GPR107: variants seen among roughly 807,000 people sequenced by gnomAD.
GPR107 encodes G protein-coupled receptor 107.
In GPR107, 31 loss-of-function variants were observed where a neutral mutation model predicts 75.5. The observed-to-expected ratio is 0.41, with a 90% confidence interval of 0.31 to 0.55. GPR107 has a LOEUF of 0.55. GPR107 is among the 20% of genes least tolerant of loss of function. The probability of loss-of-function intolerance (pLI) is 0.26; values close to 1 mark genes in which losing one functional copy is unlikely to be tolerated. For missense variants in GPR107, 572 were observed against 665.7 expected, an observed-to-expected ratio of 0.86 and a Z score of 1.55; for synonymous variants, 267 against 251.3, an observed-to-expected ratio of 1.06 and a Z score of -0.59.
intron 7 of GPR107, among the ~76,000 whole-genome samples, chr9:130,090,461 C>T (rs1830706100): frequency 7.6e-6 from 1 of 132,290 alleles, no homozygotes; most frequent in Admixed American, 8.4e-5. Context: ...TAGATAACCA[C>T]ATCTTAGGTT....
At chr9:130,090,441 G>C (rs1830705776) in intron 7 of GPR107, among the ~76,000 whole-genome samples, 1 of 151,774 alleles carries the variant, frequency 6.6e-6, no homozygotes, top group African/African-American at 2.4e-5. Context: ...TAATACGTTA[G>C]CTTGAAGACT....
At chr9:130,066,224 G>A (rs1473613667) in intron 1 of GPR107, among the ~76,000 whole-genome samples, 2 of 151,880 alleles carry the variant, frequency 1.3e-5, no homozygotes, top group African/African-American at 2.4e-5. Context: ...GCTTGAACCC[G>A]GGAGGCAGAG....
At chr9:130,101,838 G>A (rs188590646) in intron 12 of GPR107, among the ~76,000 whole-genome samples, 81 of 152,298 alleles carry the variant, frequency 5.3e-4, no homozygotes, top group Middle Eastern at 3.4e-3. Flanking sequence ...ACCAGACAGC[G>A]TCTGTTTGAC....
intron 8 of GPR107, 91 bp from the exon 9 acceptor site, chr9:130,092,157 T>C: frequency 8.8e-7 from 1 of 1,141,338 alleles, no homozygotes; most frequent in Non-Finnish European, 1.3e-6. Flanking sequence ...CTTACTTTCT[T>C]AAGCTTAAGT....
intron 14 of GPR107, among the ~76,000 whole-genome samples, chr9:130,111,232 G>A (rs145029375): frequency 0.022 from 3,334 of 152,152 alleles, 55 homozygotes; most frequent in Middle Eastern, 0.034. Context: ...TTGGGAGGCC[G>A]AGGCAGGAGG....
chr9:130,077,299 G>A lies in GPR107; in HGVS notation c.307G>A (p.Asp103Asn). ...GTACAATTGGCTCTTCCTTTCTCAG[G>A]ATGAAGATGTGAATTACTGTATTTT... ...TKNDGFSSYL[D>N]EDVNYCILKK... Residue 103 changes from aspartate to asparagine, a missense_variant and splice_region_variant, in exon 4 of 18, where the codon GAT (aspartate) becomes AAT (asparagine). Coordinates refer to ENST00000347136, the MANE Select transcript of GPR107 (RefSeq NM_020960.5). 1 of 1,496,068 alleles carries A rather than the reference G, an allele frequency of 6.7e-7. No homozygotes were observed. The highest frequency in any genetic ancestry group is 1.1e-5 in the South Asian group (1 of 88,748). The allele number at this position is 1,496,068 out of a possible 1,614,324, so 92.7% of individuals were successfully genotyped here. A position where few individuals can be genotyped will look rare whatever the true frequency, so the allele number is the denominator to read the frequency against.
At chr9:130,077,254 G>A (rs537549052) in intron 3 of GPR107, 45 bp from the exon 4 acceptor site, 142 of 967,582 alleles carry the variant, frequency 1.5e-4, no homozygotes, top group Non-Finnish European at 2.1e-4. Flanking sequence ...TCTTGTTCTA[G>A]TGTGAATGAA....
chr9:130,107,144 G>A (rs1042322344), intron 13 of GPR107, among the ~76,000 whole-genome samples: 2 of 152,180 alleles, frequency 1.3e-5, no homozygotes, highest in Non-Finnish European at 2.9e-5. Flanking sequence ...TCTCCTGGTG[G>A]CAGGTGAGCC....
intron 14 of GPR107, among the ~76,000 whole-genome samples, chr9:130,120,322 G>A: frequency 6.6e-6 from 1 of 152,186 alleles, no homozygotes; most frequent in East Asian, 1.9e-4. Flanking sequence ...TTCAGAGGGT[G>A]TCTTGCCTGA....
chr9:130,125,542 C>CAT (rs1831654504), intron 15 of GPR107, among the ~76,000 whole-genome samples: 1 of 149,606 alleles, frequency 6.7e-6, no homozygotes, highest in Non-Finnish European at 1.5e-5. Flanking sequence ...GCCTGGCTTT[C>CAT]ATTTTATAAA....
intron 1 of GPR107, among the ~76,000 whole-genome samples, chr9:130,063,679 T>G (rs1048339225): frequency 2.9e-4 from 44 of 152,114 alleles, no homozygotes; most frequent in African/African-American, 1.0e-3. Context: ...ATAAAATATT[T>G]GATTGCTGGG....
At chr9:130,087,157 C>A (rs989716415) in intron 7 of GPR107, among the ~76,000 whole-genome samples, 2 of 152,044 alleles carry the variant, frequency 1.3e-5, no homozygotes, top group Admixed American at 6.6e-5. Flanking sequence ...CCTGCCTCAG[C>A]CTCCCAAGTA....
chr9:130,092,049 G>A (rs563539218), intron 8 of GPR107, among the ~76,000 whole-genome samples, 199 bp from the exon 9 acceptor site: 6 of 152,008 alleles, frequency 3.9e-5, no homozygotes, highest in Non-Finnish European at 7.4e-5. Context: ...GGCCAGGCTG[G>A]TGTTGAACTC....
rs751327162 is a variant in GPR107 at position 130,053,913 on chromosome 9, C to T, written c.-20C>T. On this transcript the variant is annotated 5_prime_UTR_variant, in exon 1 of 18. Coordinates refer to ENST00000347136, the MANE Select transcript of GPR107 (RefSeq NM_020960.5). ...CGGACGTGGGCGGGAGAGGAAGCGG[C>T]TGGTGATGCTGGAACAAACATGGCC... is the stretch of plus-strand genomic sequence containing the variant. 18 of 1,554,528 alleles carry T rather than the reference C, an allele frequency of 1.2e-5. No individual in the cohort carries two copies. The highest frequency in any genetic ancestry group is 9.6e-5 in the Admixed American group (5 of 51,880).
chr9:130,072,141 G>C (rs1318968958), intron 1 of GPR107, among the ~76,000 whole-genome samples: 2 of 148,372 alleles, frequency 1.3e-5, no homozygotes, highest in Admixed American at 6.7e-5. Flanking sequence ...GCTAATTTTT[G>C]TATTTAGTAG....
intron 14 of GPR107, chr9:130,108,703 C>G: frequency 2.2e-6 from 1 of 455,764 alleles, no homozygotes; most frequent in African/African-American, 2.0e-5. Flanking sequence ...CCTGCACCAG[C>G]TTTTGTTTTC....
chr9:130,091,201 T>A (rs9696633), intron 8 of GPR107, among the ~76,000 whole-genome samples: 1 of 152,098 alleles, frequency 6.6e-6, no homozygotes. Context: ...AGAATGTGGT[T>A]GTTTTGGCTG....
At chr9:130,076,789 A>C (rs1403376789) in intron 3 of GPR107, among the ~76,000 whole-genome samples, 4 of 152,108 alleles carry the variant, frequency 2.6e-5, no homozygotes, top group African/African-American at 9.7e-5. Flanking sequence ...CTAGGACTGC[A>C]GGCGTGAGCA....
intron 4 of GPR107, among the ~76,000 whole-genome samples, chr9:130,078,353 G>GGAGGTAAGAAGACTAAT (rs1170249922): frequency 1.3e-5 from 2 of 152,056 alleles, no homozygotes; most frequent in Admixed American, 6.6e-5. Context: ...GAACAAGACT[G>GGAGGTAAGAAGACTAAT]GAGGTAAGAA....
Sources: gnomAD v4.1 joint callset for allele counts (sites outside exome capture counted in the v4.1 genomes callset) on GRCh38, gnomAD v4.1.1 for gene constraint, MANE v1.5 for transcripts, NCBI Gene and HGNC (gene_info 2026-07-23, HGNC 2026-07-21) for gene names.